The following RAP1GDS1 variants were observed in gnomAD, a reference collection of about 807,000 sequenced individuals.
RAP1GDS1 encodes Rap1 GTPase-GDP dissociation stimulator 1, also known as RAP1, GTP-GDP dissociation stimulator 1.
Under a neutral mutation model 71.1 loss-of-function variants are expected in RAP1GDS1, and 35 were observed. That is an observed-to-expected ratio of 0.49 (90% CI 0.38 to 0.65). The LOEUF is 0.65. Among genes scored for constraint, RAP1GDS1 ranks in the 30% least tolerant of loss-of-function variants. The pLI is 0.00. For missense variants in RAP1GDS1, 663 were observed against 706.1 expected (o/e 0.94, Z 0.69); for synonymous variants, 229 against 243.1 (o/e 0.94, Z 0.54).
chr4:98,370,473 C>A (rs1355090994), intron 4 of RAP1GDS1, among the ~76,000 whole-genome samples: 1 of 151,800 alleles, frequency 6.6e-6, no homozygotes, highest in African/African-American at 2.4e-5. Context: ...TTTATATAAA[C>A]CTCCTTTCTC....
At chr4:98,368,404 T>A (rs1739850469) in intron 4 of RAP1GDS1, among the ~76,000 whole-genome samples, 1 of 152,166 alleles carries the variant, frequency 6.6e-6, no homozygotes, top group Admixed American at 6.5e-5. Context: ...ATCCATATTA[T>A]GCACTGCTTT....
chr4:98,381,229 G>T (rs1045292585), intron 5 of RAP1GDS1, among the ~76,000 whole-genome samples: 4 of 151,410 alleles, frequency 2.6e-5, no homozygotes, highest in Non-Finnish European at 4.4e-5. Context: ...AAAAGCTGCA[G>T]TTTGCAGCTT....
chr4:98,337,101 G>C (rs1734814787), intron 2 of RAP1GDS1, among the ~76,000 whole-genome samples: 1 of 152,046 alleles, frequency 6.6e-6, no homozygotes. Context: ...CACCATGTTG[G>C]CCAGGCTTGC....
intron 2 of RAP1GDS1, among the ~76,000 whole-genome samples, chr4:98,341,218 C>T (rs999696165): frequency 2.6e-5 from 4 of 152,174 alleles, no homozygotes; most frequent in South Asian, 2.1e-4. Context: ...TTTTCTAAAT[C>T]GTAAATCAGA....
intron 12 of RAP1GDS1, among the ~76,000 whole-genome samples, chr4:98,426,723 A>G (rs1749668023): frequency 6.6e-6 from 1 of 152,162 alleles, no homozygotes; most frequent in Non-Finnish European, 1.5e-5. Context: ...TGAAATGGTA[A>G]TTTAAAAATT....
At chr4:98,360,952 G>T (rs994753356) in intron 4 of RAP1GDS1, among the ~76,000 whole-genome samples, 2 of 151,838 alleles carry the variant, frequency 1.3e-5, no homozygotes, top group Non-Finnish European at 2.9e-5. Context: ...GCCAGGCATG[G>T]TGGCATATAC....
chr4:98,416,199 C>T (rs1747958190), intron 7 of RAP1GDS1, among the ~76,000 whole-genome samples: 3 of 152,014 alleles, frequency 2.0e-5, no homozygotes, highest in African/African-American at 4.8e-5. Flanking sequence ...TGCTGCAAGA[C>T]ATCCTGAAAA....
intron 7 of RAP1GDS1, among the ~76,000 whole-genome samples, chr4:98,409,095 T>A (rs1158811072): frequency 6.6e-6 from 1 of 152,166 alleles, no homozygotes; most frequent in Non-Finnish European, 1.5e-5. Context: ...ATGATGTGAT[T>A]ATGCATATTT....
At chr4:98,431,612 G>A (rs1750417224) in intron 12 of RAP1GDS1, among the ~76,000 whole-genome samples, 1 of 152,148 alleles carries the variant, frequency 6.6e-6, no homozygotes, top group Non-Finnish European at 1.5e-5. Context: ...TTTAGCCTTG[G>A]CTTTACCACT....
chr4:98,377,770 A>G (rs1200357487), intron 4 of RAP1GDS1, among the ~76,000 whole-genome samples: 1 of 151,770 alleles, frequency 6.6e-6, no homozygotes, highest in East Asian at 1.9e-4. Context: ...TTCAAATTGT[A>G]ACTAACTTCG....
chr4:98,386,236 G>C (rs116136139), intron 5 of RAP1GDS1, among the ~76,000 whole-genome samples: 59 of 151,814 alleles, frequency 3.9e-4, no homozygotes, highest in African/African-American at 1.3e-3. Context: ...TTATCTACTA[G>C]ATTAAGGCAT....
At chr4:98,326,435 A>C (rs956783102) in intron 2 of RAP1GDS1, among the ~76,000 whole-genome samples, 1 of 152,112 alleles carries the variant, frequency 6.6e-6, no homozygotes, top group East Asian at 1.9e-4. Flanking sequence ...ATAACTGCTG[A>C]ATTTCTTTTC....
intron 2 of RAP1GDS1, among the ~76,000 whole-genome samples, chr4:98,326,793 T>C (rs1035575786): frequency 6.6e-6 from 1 of 152,194 alleles, no homozygotes; most frequent in Admixed American, 6.5e-5. Flanking sequence ...GTTTTAGTCA[T>C]GTGAGCCATG....
intron 2 of RAP1GDS1, among the ~76,000 whole-genome samples, chr4:98,313,642 C>T (rs1022562926): frequency 2.6e-5 from 4 of 152,012 alleles, no homozygotes; most frequent in African/African-American, 9.7e-5. Context: ...CCCAGGAGTT[C>T]AAGATCAGCC....
At chr4:98,367,158 T>G (rs1739616712) in intron 4 of RAP1GDS1, among the ~76,000 whole-genome samples, 1 of 152,152 alleles carries the variant, frequency 6.6e-6, no homozygotes. Flanking sequence ...AACTTAGTAC[T>G]CTGCCTTCCA....
intron 2 of RAP1GDS1, among the ~76,000 whole-genome samples, chr4:98,321,146 C>T (rs1381621317): frequency 1.7e-4 from 24 of 144,686 alleles, no homozygotes; most frequent in African/African-American, 4.8e-4. Flanking sequence ...GGAGCCGATG[C>T]GATCAACTGG....
intron 4 of RAP1GDS1, among the ~76,000 whole-genome samples, chr4:98,358,642 G>A (rs1489532939): frequency 6.6e-6 from 1 of 151,958 alleles, no homozygotes; most frequent in South Asian, 2.1e-4. Flanking sequence ...ATGGAAACCT[G>A]ACTAGCATGA....
intron 4 of RAP1GDS1, among the ~76,000 whole-genome samples, chr4:98,375,821 CGTA>C (rs890222848): frequency 5.3e-5 from 8 of 152,086 alleles, no homozygotes; most frequent in Admixed American, 3.3e-4. Flanking sequence ...AAGGAGGAAA[CGTA>C]GTAAAATCCA....
chr4:98,263,071 G>A (rs1238125366), intron 1 of RAP1GDS1, among the ~76,000 whole-genome samples: 1 of 152,084 alleles, frequency 6.6e-6, no homozygotes, highest in African/African-American at 2.4e-5. Context: ...CAGATTATTG[G>A]ACAAGCTGTA....
Sources: gnomAD v4.1 joint callset for allele counts (sites outside exome capture counted in the v4.1 genomes callset) on GRCh38, gnomAD v4.1.1 for gene constraint, MANE v1.5 for transcripts, NCBI Gene and HGNC (gene_info 2026-07-23, HGNC 2026-07-21) for gene names.